Variants in TTLL2 observed in about 807,000 individuals in gnomAD.
TTLL2 encodes the protein probable tubulin polyglutamylase TTLL2.
TTLL2 carries 10 observed loss-of-function variants against 7.5 expected under a neutral mutation model. The ratio of observed to expected loss-of-function variants is 1.33; its 90% CI spans 0.82 to 2.25. TTLL2 has a LOEUF of 2.25. Ranked by LOEUF, TTLL2 falls within the 30% of genes most tolerant of loss-of-function variation. TTLL2 has a pLI of 0.00. For synonymous variants in TTLL2, 284 were observed against 280.3 expected (o/e 1.01, Z -0.13); for missense variants, 733 against 735.7 (o/e 1.00, Z 0.04).
intron 1 of TTLL2, among the ~76,000 whole-genome samples, chr6:167,334,517 C>A (rs111602725): frequency 1.4e-4 from 21 of 151,888 alleles, no homozygotes; most frequent in Non-Finnish European, 2.6e-4. Flanking sequence ...TTCAAGTCAA[C>A]CCTAAGCCAA....
At position 167,341,936 on chromosome 6, in the gene TTLL2, C is replaced by A; in HGVS notation, c.*257C>A. On this transcript the variant is annotated 3_prime_UTR_variant, in exon 3 of 3. Coordinates refer to ENST00000239587, the MANE Select transcript of TTLL2 (RefSeq NM_031949.5). ...AAAGAATTCTACAAATACCACACAG[C>A]CTCCCACCAGTAATTGAATGTGCTA... 1 of 464,898 alleles carries A rather than the reference C, an allele frequency of 2.2e-6. No individual in the cohort carries two copies. The highest frequency in any genetic ancestry group is 3.8e-6 in the Non-Finnish European group (1 of 264,752). The allele number at this position is 464,898 out of a possible 1,614,324, so 28.8% of individuals were successfully genotyped here. A position where few individuals can be genotyped will look rare whatever the true frequency, so the allele number is the denominator to read the frequency against.
intron 1 of TTLL2, among the ~76,000 whole-genome samples, chr6:167,336,223 G>A (rs1488484189): frequency 2.8e-4 from 42 of 152,118 alleles, no homozygotes; most frequent in Admixed American, 2.7e-3. Context: ...GAGCCTCCAT[G>A]CTGCTCTCTA....
intron 1 of TTLL2, among the ~76,000 whole-genome samples, chr6:167,325,475 GC>G (rs1465492971): frequency 6.6e-6 from 1 of 152,208 alleles, no homozygotes; most frequent in Non-Finnish European, 1.5e-5. Context: ...ATGCTGAGGT[GC>G]CAGTTATATA....
intron 1 of TTLL2, among the ~76,000 whole-genome samples, chr6:167,331,929 A>T (rs1659708248): frequency 6.6e-6 from 1 of 152,184 alleles, no homozygotes; most frequent in African/African-American, 2.4e-5. Flanking sequence ...GTCTCTCTGA[A>T]TCTGCTGTGA....
At chr6:167,326,364 G>A (rs1280502555) in intron 1 of TTLL2, among the ~76,000 whole-genome samples, 11 of 151,852 alleles carry the variant, frequency 7.2e-5, no homozygotes. Flanking sequence ...TTTTAAGTTG[G>A]TCAACTCAAA....
intron 1 of TTLL2, among the ~76,000 whole-genome samples, chr6:167,325,439 T>C (rs1778836829): frequency 6.6e-6 from 1 of 152,174 alleles, no homozygotes; most frequent in African/African-American, 2.4e-5. Flanking sequence ...ATCCAAAAAT[T>C]TCCTATGGTG....
chr6:167,328,027 G>T (rs1380421776), intron 1 of TTLL2: 2 of 456,130 alleles, frequency 4.4e-6, no homozygotes, highest in East Asian at 6.9e-5. Context: ...GAAATTCCTG[G>T]TGTTGAATCA....
At chr6:167,327,064 G>C (rs886523637) in intron 1 of TTLL2, among the ~76,000 whole-genome samples, 3 of 152,206 alleles carry the variant, frequency 2.0e-5, no homozygotes, top group African/African-American at 7.2e-5. Flanking sequence ...AGGAGGGTCT[G>C]TAAGAGGGAA....
In TTLL2 at chr6:167,341,183, G is replaced by A; in HGVS notation, c.1283G>A (p.Ser428Asn). 6.2e-7 allele frequency: 1 copy of A among 1,613,834 alleles called. No individual in the cohort carries two copies. The highest frequency in any genetic ancestry group is 8.5e-7 in the Non-Finnish European group (1 of 1,179,986). The change falls in exon 3 of 3, where the codon AGT (serine) becomes AAT (asparagine). Residue 428 changes from serine to asparagine, a missense_variant. Coordinates refer to ENST00000239587, the MANE Select transcript of TTLL2 (RefSeq NM_031949.5). ...CTAAGAAATGAGGGGAGAGAAGCCA[G>A]TAATGCCACACATGGAAATTCCAAC... Reference protein sequence around the residue: ...NGLRNEGREASNATHGNSNID... With the variant: ...NGLRNEGREANNATHGNSNID...
In TTLL2 at chr6:167,340,443, G is replaced by A. The variant is rs745894086; in HGVS notation, c.543G>A (p.Thr181=). 18 of 1,614,036 alleles carry A rather than the reference G, an allele frequency of 1.1e-5. No individual in the cohort carries two copies. The highest frequency in any genetic ancestry group is 5.5e-5 in the South Asian group (5 of 91,082). The change falls in exon 3 of 3, where the codon ACG becomes ACA. Residue 181 remains threonine, a synonymous_variant. Transcript: ENST00000239587. ...GTSLYQFIPL[T]FVMPNDYTKF... ...CCCTGTACCAGTTCATCCCCCTGAC[G>A]TTCGTCATGCCCAATGACTATACCA...
At chr6:167,336,959 T>C (rs933597806) in intron 1 of TTLL2, among the ~76,000 whole-genome samples, 1 of 152,154 alleles carries the variant, frequency 6.6e-6, no homozygotes, top group Non-Finnish European at 1.5e-5. Flanking sequence ...CCTGGGATGA[T>C]GGCCAATCAG....
intron 1 of TTLL2, among the ~76,000 whole-genome samples, chr6:167,332,594 G>C (rs1229695987): frequency 1.4e-5 from 2 of 146,458 alleles, no homozygotes; most frequent in African/African-American, 5.1e-5. Context: ...TCTTCCATTT[G>C]TTTGTATCCT....
chr6:167,331,549 T>C (rs1267695741), intron 1 of TTLL2, among the ~76,000 whole-genome samples: 3 of 152,212 alleles, frequency 2.0e-5, no homozygotes, highest in Non-Finnish European at 4.4e-5. Flanking sequence ...TTTTATGTAA[T>C]GTTCTCCAGT....
At position 167,340,827 on chromosome 6, in the gene TTLL2, T is replaced by C. The variant is rs771349719; in HGVS notation, c.927T>C (p.Tyr309=). 7 of 1,614,132 alleles carry C rather than the reference T, an allele frequency of 4.3e-6. No individual in the cohort carries two copies. In the South Asian group the frequency reaches 6.6e-5, roughly 15 times the overall value. The change falls in exon 3 of 3, where the codon TAT becomes TAC. Residue 309 remains tyrosine, a synonymous_variant. Transcript: ENST00000239587. ...GCATCAATAAATCCGGGGCCTCTTATGAGAAGATCAAAGAAGTGATTGGTC... is the reference window on the plus strand; with the variant it reads ...GCATCAATAAATCCGGGGCCTCTTACGAGAAGATCAAAGAAGTGATTGGTC... ...NSSINKSGAS[Y]EKIKEVIGHG... is the part of the protein sequence containing the mutation.
At chr6:167,330,705 A>C (rs1778909244) in intron 1 of TTLL2, among the ~76,000 whole-genome samples, 1 of 152,164 alleles carries the variant, frequency 6.6e-6, no homozygotes. Flanking sequence ...TTCCACAAAC[A>C]TGAGGGCACC....
chr6:167,338,840 C>CTTCCTTCCTTCCTTCCTTCA lies in TTLL2; in HGVS notation c.204+56_204+57insATTCCTTCCTTCCTTCCTTC, dbSNP rs772863971. On this transcript the variant is annotated intron_variant, in intron 2 of 2. Transcript: ENST00000239587. ...AGCCAGGTAGTTCCTTCCTTCCTTC[C>CTTCCTTCCTTCCTTCCTTCA]TTCCTTCCTTCCTTCCTTCCTTCCT... 1.0e-3 allele frequency: 1,419 copies of CTTCCTTCCTTCCTTCCTTCA among 1,412,412 alleles called. 24 individuals carry two copies. In the East Asian group the frequency reaches 0.035, roughly 35 times the overall value. 87.5% of individuals were successfully genotyped at this position (1,412,412 alleles called of 1,614,324 possible).
At chr6:167,338,934 C>T (rs1779032667) in intron 2 of TTLL2, 131 bp downstream of exon 2, 12 of 932,668 alleles carry the variant, frequency 1.3e-5, no homozygotes, top group Non-Finnish European at 1.5e-6. Flanking sequence ...TTCTCTCCTT[C>T]CTTCCCTTCC....
At chr6:167,331,369 G>A (rs898824294) in intron 1 of TTLL2, among the ~76,000 whole-genome samples, 9 of 152,152 alleles carry the variant, frequency 5.9e-5, no homozygotes, top group Non-Finnish European at 1.2e-4. Flanking sequence ...CTGTGTGGAT[G>A]TGACTTTGTG....
chr6:167,341,780 G>T lies in TTLL2; in HGVS notation c.*101G>T. On this transcript the variant is annotated 3_prime_UTR_variant, in exon 3 of 3. Coordinates refer to ENST00000239587, the MANE Select transcript of TTLL2 (RefSeq NM_031949.5). ...GTTCAAGTCCCTACCTGTGCCACCAGCATGTTAACTATGACATTGGGACTG... is the reference window on the plus strand; with the variant it reads ...GTTCAAGTCCCTACCTGTGCCACCATCATGTTAACTATGACATTGGGACTG... 3 of 1,279,778 alleles carry T rather than the reference G, an allele frequency of 2.3e-6. No homozygotes were observed. Among genetic ancestry groups the T allele is most frequent in the Non-Finnish European group, 3.1e-6 (3 of 955,070 alleles). The allele number at this position is 1,279,778 out of a possible 1,614,324, so 79.3% of individuals were successfully genotyped here. A position where few individuals can be genotyped will look rare whatever the true frequency, so the allele number is the denominator to read the frequency against.
Sources: gnomAD v4.1 joint callset for allele counts (sites outside exome capture counted in the v4.1 genomes callset) on GRCh38, gnomAD v4.1.1 for gene constraint, MANE v1.5 for transcripts, NCBI Gene and HGNC (gene_info 2026-07-23, HGNC 2026-07-21) for gene names.